The following ZNF385D variants were observed in gnomAD, a reference collection of about 807,000 sequenced individuals.
The protein encoded by ZNF385D is zinc finger protein 659.
A neutral mutation model predicts 35.8 loss-of-function variants in ZNF385D; 15 were observed. The ratio of observed to expected loss-of-function variants is 0.42; its 90% confidence interval spans 0.28 to 0.64. The LOEUF (loss-of-function observed/expected upper bound fraction) is 0.64. Ranked by LOEUF, ZNF385D falls within the 30% of genes least tolerant of loss-of-function variation. The pLI, the probability that ZNF385D is intolerant of heterozygous loss-of-function variation, is 0.23. For synonymous variants in ZNF385D, 212 were observed against 186.8 expected, an observed-to-expected ratio of 1.13 and a Z score of -1.10; for missense variants, 474 against 494.6, an observed-to-expected ratio of 0.96 and a Z score of 0.39.
intron 3 of ZNF385D, among the ~76,000 whole-genome samples, chr3:21,965,943 T>A (rs1465172178): frequency 6.6e-6 from 1 of 152,134 alleles, no homozygotes; most frequent in African/African-American, 2.4e-5. Flanking sequence ...AGATAAGAGT[T>A]CTTTGTACTA....
chr3:22,059,720 T>C (rs959893847), intron 3 of ZNF385D, among the ~76,000 whole-genome samples: 5 of 152,180 alleles, frequency 3.3e-5, no homozygotes, highest in African/African-American at 4.8e-5. Flanking sequence ...TTCGATTTTG[T>C]TTGCTGCTGT....
chr3:22,132,048 C>T (rs1703829165), intron 3 of ZNF385D, among the ~76,000 whole-genome samples: 1 of 151,978 alleles, frequency 6.6e-6, no homozygotes, highest in African/African-American at 2.4e-5. Flanking sequence ...TTTTGTTCAT[C>T]AATTGATAAA....
At chr3:21,833,166 G>C (rs1411809094) in intron 3 of ZNF385D, among the ~76,000 whole-genome samples, 5 of 152,076 alleles carry the variant, frequency 3.3e-5, no homozygotes, top group Non-Finnish European at 7.4e-5. Flanking sequence ...ATCAAGAAAG[G>C]CAAGAATCCT....
chr3:22,286,421 A>G (rs1445607237), intron 2 of ZNF385D, among the ~76,000 whole-genome samples: 1 of 151,680 alleles, frequency 6.6e-6, no homozygotes, highest in African/African-American at 2.4e-5. Flanking sequence ...TGATCTTTCT[A>G]GTTTCTTCCT....
intron 2 of ZNF385D, among the ~76,000 whole-genome samples, chr3:21,632,066 C>G (rs1445967211): frequency 6.6e-6 from 1 of 152,060 alleles, no homozygotes; most frequent in Admixed American, 6.6e-5. Context: ...AAATGTGCGT[C>G]AGGCACTATT....
chr3:22,166,074 T>G (rs1257105545), intron 3 of ZNF385D, among the ~76,000 whole-genome samples: 1 of 127,504 alleles, frequency 7.8e-6, no homozygotes, highest in African/African-American at 2.5e-5. Flanking sequence ...CATTCTTGAC[T>G]TTTCTCATCC....
chr3:21,828,108 A>G (rs1385139420), intron 3 of ZNF385D, among the ~76,000 whole-genome samples: 2 of 152,246 alleles, frequency 1.3e-5, no homozygotes, highest in Non-Finnish European at 2.9e-5. Context: ...AATATAAACC[A>G]TGAATTAACA....
chr3:21,990,656 A>G (rs1056795287), intron 3 of ZNF385D, among the ~76,000 whole-genome samples: 6 of 152,212 alleles, frequency 3.9e-5, no homozygotes, highest in Non-Finnish European at 7.3e-5. Flanking sequence ...TAGAATATAT[A>G]AAGTTATCAA....
intron 3 of ZNF385D, among the ~76,000 whole-genome samples, chr3:21,893,191 T>G (rs568049960): frequency 6.6e-6 from 1 of 152,098 alleles, no homozygotes; most frequent in Non-Finnish European, 1.5e-5. Flanking sequence ...TGGAAGAGTA[T>G]TGGTAGATTA....
chr3:21,794,422 A>C (rs551000963), intron 3 of ZNF385D, among the ~76,000 whole-genome samples: 1 of 152,242 alleles, frequency 6.6e-6, no homozygotes, highest in South Asian at 2.1e-4. Context: ...AGTGGATTAG[A>C]AAGTTTCTGA....
chr3:21,738,162 T>G (rs1193368974), intron 1 of ZNF385D, among the ~76,000 whole-genome samples: 1 of 152,186 alleles, frequency 6.6e-6, no homozygotes, highest in Non-Finnish European at 1.5e-5. Context: ...TTGGTTCTCT[T>G]GTGAGTTTGT....
chr3:22,171,112 A>G (rs1553622177), intron 2 of ZNF385D, among the ~76,000 whole-genome samples: 1 of 125,442 alleles, frequency 8.0e-6, no homozygotes, highest in Non-Finnish European at 1.7e-5. Context: ...ACCATTTATT[A>G]TGAAAAAATA....
intron 1 of ZNF385D, among the ~76,000 whole-genome samples, chr3:21,669,966 T>G (rs2066512823): frequency 6.6e-6 from 1 of 152,294 alleles, no homozygotes; most frequent in African/African-American, 2.4e-5. Flanking sequence ...CTCAATCCAT[T>G]CAGCATTCGT....
chr3:21,543,020 C>T (rs1227895883), intron 3 of ZNF385D: 2 of 152,770 alleles, frequency 1.3e-5, no homozygotes, highest in Non-Finnish European at 2.9e-5. Flanking sequence ...GACTCAAAAC[C>T]TCTCACTGTT....
intron 3 of ZNF385D, among the ~76,000 whole-genome samples, chr3:21,907,206 T>C (rs1191800627): frequency 1.3e-5 from 2 of 152,176 alleles, no homozygotes; most frequent in Non-Finnish European, 2.9e-5. Flanking sequence ...ATAATAAAGT[T>C]CACTTTATTA....
intron 3 of ZNF385D, among the ~76,000 whole-genome samples, chr3:22,005,774 G>A (rs544272490): frequency 6.6e-6 from 1 of 152,162 alleles, no homozygotes; most frequent in South Asian, 2.1e-4. Flanking sequence ...CCCTAAGTGT[G>A]AAATACTAAG....
At chr3:22,186,813 C>A (rs1316101593) in intron 2 of ZNF385D, among the ~76,000 whole-genome samples, 3 of 152,072 alleles carry the variant, frequency 2.0e-5, no homozygotes, top group Non-Finnish European at 2.9e-5. Context: ...TGAGATTGCT[C>A]ATAATCAACT....
chr3:21,759,262 A>G (rs1250891870), intron 3 of ZNF385D, among the ~76,000 whole-genome samples: 2 of 152,104 alleles, frequency 1.3e-5, no homozygotes, highest in Non-Finnish European at 2.9e-5. Flanking sequence ...CCTGTCTTTA[A>G]TATTGACCCG....
chr3:22,010,508 C>T (rs1458187113), intron 3 of ZNF385D, among the ~76,000 whole-genome samples: 3 of 152,218 alleles, frequency 2.0e-5, no homozygotes, highest in Non-Finnish European at 4.4e-5. Flanking sequence ...TTTCCTCTAT[C>T]TAGGCTCAGA....
Sources: gnomAD v4.1 joint callset for allele counts (sites outside exome capture counted in the v4.1 genomes callset) on GRCh38, gnomAD v4.1.1 for gene constraint, MANE v1.5 for transcripts, NCBI Gene and HGNC (gene_info 2026-07-23, HGNC 2026-07-21) for gene names.